Variants in CNBD1 observed in about 807,000 individuals in gnomAD.
CNBD1 encodes the protein cyclic nucleotide binding domain containing 1, also known as cyclic nucleotide-binding domain-containing protein 1.
Under a neutral mutation model 54.4 loss-of-function variants are expected in CNBD1, and 71 were observed. That is an observed-to-expected ratio of 1.30 (90% CI 1.08 to 1.59). The LOEUF is 1.59. Among genes scored for constraint, CNBD1 ranks in the 40% most tolerant of loss-of-function variants. The pLI is 0.00. For missense variants in CNBD1, 659 were observed against 518.0 expected, an observed-to-expected ratio of 1.27 and a Z score of -2.64; for synonymous variants, 182 against 170.7, an observed-to-expected ratio of 1.07 and a Z score of -0.51.
chr8:87,107,368 A>G (rs1811562636), intron 4 of CNBD1, among the ~76,000 whole-genome samples: 1 of 152,272 alleles, frequency 6.6e-6, no homozygotes, highest in African/African-American at 2.4e-5. Context: ...GAACATTAGG[A>G]AGCACATTAA....
chr8:87,361,366 T>C (rs1810521039), intron 10 of CNBD1, among the ~76,000 whole-genome samples: 2 of 151,184 alleles, frequency 1.3e-5, no homozygotes, highest in Admixed American at 6.6e-5. Context: ...CTCTTAGAAA[T>C]CAGTAGAAGG....
rs147820923 is a variant in CNBD1 at position 87,349,474 on chromosome 8, C to G, written c.1043-2211C>G. 3.6e-4 allele frequency among the ~76,000 whole-genome samples: 55 copies of G among 152,268 alleles called. 2 individuals are homozygous for G. Among genetic ancestry groups the G allele is most frequent in the Middle Eastern group, 3.4e-3 (1 of 294 alleles). On this transcript the variant is annotated intron_variant, in intron 8 of 10. Transcript: ENST00000518476. ...CACTGCAACCTCTGCTTCCTGGGTT[C>G]AAGCTATTCCCCTGCCTCAGCCTTC...
chr8:87,362,948 G>C (rs561317897), intron 10 of CNBD1, among the ~76,000 whole-genome samples: 1 of 151,814 alleles, frequency 6.6e-6, no homozygotes, highest in Non-Finnish European at 1.5e-5. Flanking sequence ...GTGGTTTGCT[G>C]TACCCATCAA....
intron 4 of CNBD1, among the ~76,000 whole-genome samples, chr8:87,045,739 A>C (rs1481672829): frequency 1.3e-5 from 2 of 149,330 alleles, no homozygotes; most frequent in African/African-American, 2.5e-5. Context: ...AAAAAAAAAA[A>C]AAAAACAGTA....
At chr8:87,369,861 A>G (rs1038151165) in intron 10 of CNBD1, among the ~76,000 whole-genome samples, 2 of 151,842 alleles carry the variant, frequency 1.3e-5, no homozygotes, top group Non-Finnish European at 2.9e-5. Flanking sequence ...TATCTCCTAT[A>G]TGCTATCCCT....
At chr8:86,894,077 C>T (rs1289038554) in intron 2 of CNBD1, among the ~76,000 whole-genome samples, 1 of 45,124 alleles carries the variant, frequency 2.2e-5, no homozygotes, top group Admixed American at 4.2e-4. Flanking sequence ...TTTTTTGAGA[C>T]GGAGTCTCGC....
intron 4 of CNBD1, among the ~76,000 whole-genome samples, chr8:87,119,006 C>T (rs1344248244): frequency 6.6e-6 from 1 of 152,174 alleles, no homozygotes; most frequent in Admixed American, 6.5e-5. Flanking sequence ...CATTTATGCA[C>T]TTTCATTTAA....
intron 4 of CNBD1, among the ~76,000 whole-genome samples, chr8:87,175,202 G>C (rs1813172490): frequency 6.6e-6 from 1 of 152,088 alleles, no homozygotes; most frequent in African/African-American, 2.4e-5. Flanking sequence ...CCTTGAACTG[G>C]GGACCACAAG....
intron 4 of CNBD1, among the ~76,000 whole-genome samples, chr8:87,117,866 A>G (rs1811806211): frequency 6.6e-6 from 1 of 152,184 alleles, no homozygotes; most frequent in Non-Finnish European, 1.5e-5. Context: ...CTATTTATTT[A>G]AAAATATTTA....
chr8:87,300,739 T>A (rs1215442995), intron 8 of CNBD1, among the ~76,000 whole-genome samples: 1 of 152,030 alleles, frequency 6.6e-6, no homozygotes, highest in Non-Finnish European at 1.5e-5. Context: ...CTATTTCCAA[T>A]GTTTGGAGGG....
intron 3 of CNBD1, among the ~76,000 whole-genome samples, chr8:86,905,937 G>A (rs766724316): frequency 9.9e-5 from 15 of 152,172 alleles, no homozygotes; most frequent in Non-Finnish European, 2.2e-4. Flanking sequence ...TACTATTCAA[G>A]TAGAGTTGAT....
chr8:87,075,290 T>A (rs1810846764), intron 4 of CNBD1, among the ~76,000 whole-genome samples: 1 of 152,230 alleles, frequency 6.6e-6, no homozygotes, highest in Non-Finnish European at 1.5e-5. Flanking sequence ...TTTATTGAAC[T>A]GCTTGTATGA....
intron 6 of CNBD1, among the ~76,000 whole-genome samples, chr8:87,265,117 G>A (rs2130852527): frequency 6.6e-6 from 1 of 152,046 alleles, no homozygotes; most frequent in East Asian, 1.9e-4. Context: ...TTTCTTCTAG[G>A]GTTTTTATGG....
chr8:86,902,061 T>C lies in CNBD1; in HGVS notation c.159-3020T>C, dbSNP rs141363134. Among the ~76,000 whole-genome samples the C allele has an allele frequency of 2.5e-3, 377 of 152,232 alleles. 3 individuals carry two copies. Among genetic ancestry groups the C allele is most frequent in the African/African-American group, 8.6e-3 (359 of 41,530 alleles). On this transcript the variant is annotated intron_variant, in intron 2 of 10. Coordinates refer to ENST00000518476, the MANE Select transcript of CNBD1 (RefSeq NM_173538.3). ...TAATTTAAACTTTATATGCATCATT[T>C]CCTTATCCATAAAATGACAAATACA...
chr8:87,022,789 T>C (rs1411230646), intron 4 of CNBD1, among the ~76,000 whole-genome samples: 1 of 152,234 alleles, frequency 6.6e-6, no homozygotes, highest in Non-Finnish European at 1.5e-5. Flanking sequence ...AAATATCAAC[T>C]GATAATGGTT....
intron 4 of CNBD1, among the ~76,000 whole-genome samples, chr8:86,987,856 T>A (rs554465516): frequency 6.6e-6 from 1 of 152,312 alleles, no homozygotes; most frequent in South Asian, 2.1e-4. Flanking sequence ...ACTTACTTGA[T>A]CATGGTGTAT....
intron 3 of CNBD1, among the ~76,000 whole-genome samples, chr8:86,918,086 T>G (rs1353119850): frequency 2.0e-5 from 3 of 152,186 alleles, no homozygotes; most frequent in Admixed American, 2.0e-4. Context: ...AACTATATCC[T>G]TTTAAAGGGG....
At chr8:87,092,425 GTATGTA>G (rs1811226736) in intron 4 of CNBD1, among the ~76,000 whole-genome samples, 2 of 139,212 alleles carry the variant, frequency 1.4e-5, no homozygotes, top group Admixed American at 6.9e-5. Context: ...GTGTATGTAT[GTATGTA>G]TGTGTGTGTG....
chr8:87,020,617 C>G (rs1161594312), intron 4 of CNBD1, among the ~76,000 whole-genome samples: 2 of 152,064 alleles, frequency 1.3e-5, no homozygotes, highest in African/African-American at 4.8e-5. Flanking sequence ...TTATTTAACC[C>G]TATATATTGT....
Sources: gnomAD v4.1 joint callset for allele counts (sites outside exome capture counted in the v4.1 genomes callset) on GRCh38, gnomAD v4.1.1 for gene constraint, MANE v1.5 for transcripts, NCBI Gene and HGNC (gene_info 2026-07-23, HGNC 2026-07-21) for gene names.